Variants in NCOR2 observed in about 807,000 individuals in gnomAD.
The protein encoded by NCOR2 is CTG repeat protein 26.
A neutral mutation model predicts 262.9 loss-of-function variants in NCOR2; 81 were observed. That is an observed-to-expected ratio of 0.31 (90% CI 0.26 to 0.37). The LOEUF (loss-of-function observed/expected upper bound fraction) is 0.37. Among genes scored for constraint, NCOR2 ranks in the 10% least tolerant of loss-of-function variants. The pLI is 1.00. For missense variants in NCOR2, 3,385 were observed against 3,621.4 expected (o/e 0.93, Z 1.68); for synonymous variants, 1,659 against 1,559.3 (o/e 1.06, Z -1.51).
rs559481339 is a variant in NCOR2 at position 124,349,384 on chromosome 12, G to A, written c.3845-1070C>T. ...GGCTTTTCAACCATTGCTTCGTGTGGCCCACGGCCCGTGAGCTACTCCAGG... is the reference window on the plus strand; with the variant it reads ...GGCTTTTCAACCATTGCTTCGTGTGACCCACGGCCCGTGAGCTACTCCAGG... On this transcript the variant is annotated intron_variant, in intron 28 of 46. Coordinates refer to ENST00000405201, the Ensembl canonical transcript of NCOR2. Among the ~76,000 whole-genome samples the A allele has an allele frequency of 4.0e-4, 61 of 152,310 alleles. No homozygotes were observed. In the South Asian group the frequency reaches 0.01, roughly 26 times the overall value.
chr12:124,398,289 G>A, intron 15 of NCOR2, 108 bp from the exon 18 acceptor site: 1 of 1,214,916 alleles, frequency 8.2e-7, no homozygotes, highest in African/African-American at 1.5e-5. Context: ...GGCCTTGACG[G>A]TGTCACCGCA....
rs543816043 is a variant in NCOR2, at chr12:124,355,970, A to C, written c.3242-399T>G. ...ATGGCTCCCACTGTCCTCAGGAGAA[A>C]GTCTTAGCCCCCGACTTGGCCTTCA... On this transcript the variant is annotated intron_variant, in intron 23 of 46. Transcript: ENST00000405201. Among the ~76,000 whole-genome samples, 3 of 152,248 alleles carry C rather than the reference A, an allele frequency of 2.0e-5. No individual in the cohort carries two copies. The East Asian group carries it at 5.8e-4, about 29-fold the overall frequency.
chr12:124,327,339 G>A (rs1025308222), intron 45 of NCOR2, 70 bp downstream of exon 47: 16 of 1,242,806 alleles, frequency 1.3e-5, no homozygotes, highest in Middle Eastern at 2.7e-4. Flanking sequence ...TCAGAGGAGC[G>A]CGGAGGAGCG....
chr12:124,402,538 C>CTGCTGCTGCTGTTGT, exon 14 of NCOR2: 1 of 1,571,080 alleles, frequency 6.4e-7, no homozygotes, highest in East Asian at 2.4e-5. Flanking sequence ...GCTGCTGCTG[C>CTGCTGCTGCTGTTGT]TGCTGCTGCT....
intron 44 of NCOR2, among the ~76,000 whole-genome samples, chr12:124,329,936 C>T (rs1371281304): frequency 1.3e-5 from 2 of 152,194 alleles, no homozygotes; most frequent in Non-Finnish European, 2.9e-5. Context: ...TGAGGCTTGG[C>T]AATGCCCCCG....
intron 3 of NCOR2, among the ~76,000 whole-genome samples, chr12:124,474,564 C>T (rs2046999117): frequency 6.6e-6 from 1 of 152,154 alleles, no homozygotes; most frequent in Admixed American, 6.5e-5. Flanking sequence ...CCAGGCCTCA[C>T]CTGTGCAGCC....
intron 22 of NCOR2, among the ~76,000 whole-genome samples, chr12:124,357,564 G>A (rs1038479901): frequency 2.6e-5 from 4 of 152,228 alleles, no homozygotes; most frequent in African/African-American, 7.2e-5. Context: ...CCAGAGTGCT[G>A]GAATTACAGG....
chr12:124,440,994 G>A lies in NCOR2; in HGVS notation c.816-2998C>T, dbSNP rs2044769954. On this transcript the variant is annotated intron_variant, in intron 7 of 46. Coordinates refer to ENST00000405201, the Ensembl canonical transcript of NCOR2. This position sits in a 1 kb window ranked among gnomAD's most constrained non-coding sequence, Gnocchi z 5.7. ...GGGAGGGGCAGAGAGGACGGAGGAGGGGCTGTGAGCAAGACTGGCAGGGCC... is the reference window on the plus strand; with the variant it reads ...GGGAGGGGCAGAGAGGACGGAGGAGAGGCTGTGAGCAAGACTGGCAGGGCC... Among the ~76,000 whole-genome samples the A allele has an allele frequency of 6.6e-6, 1 of 152,178 alleles. No homozygotes were observed. The highest frequency in any genetic ancestry group is 2.4e-5 in the African/African-American group (1 of 41,454).
At position 124,519,978 on chromosome 12, in the gene NCOR2, A is replaced by G. The variant is rs549431749; in HGVS notation, c.-118+15587T>C. On this transcript the variant is annotated intron_variant, in intron 1 of 46. Coordinates refer to the NCOR2 transcript ENST00000404621. Reference sequence around the variant, plus strand: ...GCTATCCACGTGGTAATTCAGCCACAAGGAGTCACAGGAGGGTTTCAGGAC... The same window carrying G: ...GCTATCCACGTGGTAATTCAGCCACGAGGAGTCACAGGAGGGTTTCAGGAC... Among the ~76,000 whole-genome samples, 230 of 152,230 alleles carry G rather than the reference A, an allele frequency of 1.5e-3. 1 individual carries two copies. The highest frequency in any genetic ancestry group is 3.1e-3 in the Admixed American group (48 of 15,290).
rs550554396 is a variant in NCOR2, at chr12:124,531,379, G to A, written c.-118+4186C>T. 2.0e-5 allele frequency among the ~76,000 whole-genome samples: 3 copies of A among 152,318 alleles called. No homozygotes were observed. The highest frequency in any genetic ancestry group is 2.1e-4 in the South Asian group (1 of 4,822). On this transcript the variant is annotated intron_variant, in intron 1 of 46. Coordinates refer to the NCOR2 transcript ENST00000404621. The surrounding 1 kb of genome is among the most constrained non-coding windows in gnomAD (Gnocchi z 4.5). Reference sequence around the variant, plus strand: ...GGCAGGAGGGGCATCCCCCGGGCCCGATTAGCGGGCGGCCGCAGGCAGACA... The same window carrying A: ...GGCAGGAGGGGCATCCCCCGGGCCCAATTAGCGGGCGGCCGCAGGCAGACA...
At chr12:124,442,914 G>A (rs1006319094) in intron 7 of NCOR2, among the ~76,000 whole-genome samples, 2 of 152,166 alleles carry the variant, frequency 1.3e-5, no homozygotes, top group Admixed American at 6.5e-5. Context: ...GAACAGACAC[G>A]GGAAGAACAC....
At chr12:124,356,181 G>A (rs558291468) in intron 23 of NCOR2, among the ~76,000 whole-genome samples, 4 of 152,270 alleles carry the variant, frequency 2.6e-5, no homozygotes, top group African/African-American at 9.6e-5. Context: ...CGCATCCCTC[G>A]GGACCAGCCT....
chr12:124,354,604 G>C (rs2271142), intron 25 of NCOR2, 22 bp from the exon 28 acceptor site: 1 of 1,513,880 alleles, frequency 6.6e-7, no homozygotes, highest in Non-Finnish European at 8.8e-7. Flanking sequence ...TAAGAGGAGC[G>C]AGTCACGTGC....
At chr12:124,350,248 C>T (rs181055707) in intron 28 of NCOR2, among the ~76,000 whole-genome samples, 1,844 of 152,264 alleles carry the variant, frequency 0.012, 18 homozygotes, top group Middle Eastern at 0.078. Flanking sequence ...TGGCCTCTTT[C>T]ATGGCCAATG....
At chr12:124,381,269 G>T (rs1018767247) in intron 17 of NCOR2, among the ~76,000 whole-genome samples, 4 of 152,072 alleles carry the variant, frequency 2.6e-5, no homozygotes, top group African/African-American at 7.2e-5. Flanking sequence ...CCCCTGCCTG[G>T]ACACCCTTCC....
At chr12:124,393,750 G>A (rs1324570139) in intron 16 of NCOR2, among the ~76,000 whole-genome samples, 1 of 152,216 alleles carries the variant, frequency 6.6e-6, no homozygotes, top group Admixed American at 6.5e-5. Context: ...GCCTCTCTAG[G>A]CCTCGGTTTC....
chr12:124,518,894 C>T (rs1320124056), intron 1 of NCOR2, among the ~76,000 whole-genome samples: 5 of 152,228 alleles, frequency 3.3e-5, no homozygotes, highest in South Asian at 4.1e-4. Flanking sequence ...GGCCTGGTTC[C>T]GAACCCAGGC....
intron 3 of NCOR2, among the ~76,000 whole-genome samples, chr12:124,478,495 A>G (rs1246672533): frequency 6.6e-6 from 1 of 152,208 alleles, no homozygotes; most frequent in African/African-American, 2.4e-5. Context: ...GAGGGGGCAC[A>G]CACAGAAAAA....
intron 44 of NCOR2, 49 bp from the exon 47 acceptor site, chr12:124,327,682 G>T (rs1233168619): frequency 1.3e-5 from 19 of 1,458,730 alleles, no homozygotes; most frequent in Non-Finnish European, 1.6e-5. Flanking sequence ...GGCCGGGGAG[G>T]GGGAGCCAGA....
Sources: allele counts gnomAD v4.1 joint callset (sites outside exome capture counted in the v4.1 genomes callset), GRCh38; gene constraint gnomAD v4.1.1; non-coding constraint Gnocchi (gnomAD v3.1); transcripts MANE v1.5; gene names NCBI Gene and HGNC (gene_info 2026-07-23, HGNC 2026-07-21).